PRDM10: variants seen among roughly 807,000 people sequenced by gnomAD.
PRDM10 encodes the protein PR/SET domain 10, also known as PR domain zinc finger protein 10.
A neutral mutation model predicts 133.1 loss-of-function variants in PRDM10; 65 were observed. The ratio of observed to expected loss-of-function variants is 0.49; its 90% CI spans 0.40 to 0.60. PRDM10 has a LOEUF of 0.60. PRDM10 is among the 20% of genes least tolerant of loss of function. The pLI, the probability that PRDM10 is intolerant of heterozygous loss-of-function variation, is 0.00. For missense variants in PRDM10, 1,137 were observed against 1,507.1 expected (o/e 0.75, Z 4.07); for synonymous variants, 582 against 580.4 (o/e 1.00, Z -0.04).
chr11:129,923,240 T>C lies in PRDM10; in HGVS notation c.2034+8A>G, dbSNP rs1177004550. On this transcript the variant is annotated splice_region_variant and intron_variant, in intron 13 of 20. Coordinates refer to ENST00000360871, the MANE Select transcript of PRDM10 (RefSeq NM_199437.2). The surrounding 1 kb of genome is among the most constrained non-coding windows in gnomAD (Gnocchi z 4.4). ...AGAACCACCTTGGGCTGTGCCTTGGTGTCATACCTTAAATTGCTTCCCACA... is the reference window on the plus strand; with the variant it reads ...AGAACCACCTTGGGCTGTGCCTTGGCGTCATACCTTAAATTGCTTCCCACA... 1.3e-6 allele frequency: 2 copies of C among 1,570,548 alleles called. No homozygotes were observed. Among genetic ancestry groups the C allele is most frequent in the African/African-American group, 1.3e-5 (1 of 74,188 alleles).
chr11:129,961,334 T>G (rs1039287568), intron 1 of PRDM10, among the ~76,000 whole-genome samples: 47 of 152,092 alleles, frequency 3.1e-4, no homozygotes, highest in Middle Eastern at 3.4e-3. Context: ...AGATGGAGTC[T>G]CGCTCTGTTG....
intron 1 of PRDM10, among the ~76,000 whole-genome samples, chr11:129,970,397 T>C (rs936195411): frequency 2.6e-5 from 4 of 152,188 alleles, no homozygotes; most frequent in African/African-American, 9.7e-5. Context: ...GGAGCTACAA[T>C]GTAACCTGGG....
At chr11:129,922,882 C>T (rs988380985) in intron 13 of PRDM10, among the ~76,000 whole-genome samples, 15 of 152,152 alleles carry the variant, frequency 9.9e-5, no homozygotes, top group Non-Finnish European at 1.3e-4. Context: ...GGCTCAATTA[C>T]GGGCTCTTAT....
intron 9 of PRDM10, among the ~76,000 whole-genome samples, chr11:129,934,514 A>T (rs1049615819): frequency 1.1e-4 from 16 of 152,154 alleles, no homozygotes; most frequent in African/African-American, 3.4e-4. Flanking sequence ...GCTAGTGATT[A>T]TTTTTTTCCA....
intron 14 of PRDM10, among the ~76,000 whole-genome samples, chr11:129,917,478 G>A (rs2135754956): frequency 6.6e-6 from 1 of 152,332 alleles, no homozygotes; most frequent in South Asian, 2.1e-4. Context: ...TCACTGTGGT[G>A]AATTCAGCCA....
chr11:129,989,432 G>C (rs1242428902), intron 1 of PRDM10, among the ~76,000 whole-genome samples: 1 of 152,190 alleles, frequency 6.6e-6, no homozygotes, highest in East Asian at 1.9e-4. Context: ...GACAGCTGGT[G>C]GGGGATACAG....
intron 4 of PRDM10, among the ~76,000 whole-genome samples, chr11:129,949,703 C>T (rs1053681615): frequency 1.4e-4 from 21 of 150,086 alleles, no homozygotes; most frequent in Middle Eastern, 3.6e-3. Flanking sequence ...GGCCAAGGTG[C>T]GCAGATCACC....
chr11:129,989,859 TAC>T (rs1231350095), intron 1 of PRDM10, among the ~76,000 whole-genome samples: 7 of 152,140 alleles, frequency 4.6e-5, no homozygotes, highest in Non-Finnish European at 7.3e-5. Context: ...TCCTGAAACA[TAC>T]AGTCTTTAGT....
chr11:129,903,246 T>G (rs558109216), intron 20 of PRDM10, among the ~76,000 whole-genome samples: 1 of 150,938 alleles, frequency 6.6e-6, no homozygotes, highest in Non-Finnish European at 1.5e-5. Context: ...TGCAGTGAGT[T>G]GAGATCGTGC....
At chr11:129,971,098 G>C (rs1419113106) in intron 1 of PRDM10, among the ~76,000 whole-genome samples, 1 of 152,068 alleles carries the variant, frequency 6.6e-6, no homozygotes, top group African/African-American at 2.4e-5. Context: ...CTTCCTTCTG[G>C]TGGGTTCATG....
intron 1 of PRDM10, among the ~76,000 whole-genome samples, chr11:129,990,017 A>G (rs1938642092): frequency 6.6e-6 from 1 of 151,882 alleles, no homozygotes; most frequent in Non-Finnish European, 1.5e-5. Flanking sequence ...AGCCTCAGCA[A>G]TATGGCGAAA....
intron 1 of PRDM10, among the ~76,000 whole-genome samples, chr11:129,994,270 G>GTCTTGAGA (rs1565517422): frequency 3.3e-5 from 5 of 151,252 alleles, no homozygotes; most frequent in African/African-American, 1.2e-4. Context: ...GACCAGCCTG[G>GTCTTGAGA]CCAACATGGC....
chr11:129,982,429 A>AT (rs1172226544), intron 1 of PRDM10, among the ~76,000 whole-genome samples: 1 of 151,816 alleles, frequency 6.6e-6, no homozygotes, highest in Non-Finnish European at 1.5e-5. Context: ...CGCCTAGCTA[A>AT]TTTTTTGTAT....
At chr11:129,958,587 T>A (rs974013060) in intron 2 of PRDM10, among the ~76,000 whole-genome samples, 1 of 152,172 alleles carries the variant, frequency 6.6e-6, no homozygotes, top group Non-Finnish European at 1.5e-5. Context: ...GAGGTTGCAG[T>A]GAGCCGAGAT....
chr11:129,978,588 CGTCGGGCAG>C (rs1345811993), intron 1 of PRDM10, among the ~76,000 whole-genome samples: 2 of 152,170 alleles, frequency 1.3e-5, no homozygotes, highest in African/African-American at 4.8e-5. Flanking sequence ...CAGTGAAGCC[CGTCGGGCAG>C]GTCTGAGACG....
Position 129,927,199 on chromosome 11 carries a change from A to G in PRDM10, c.1531-1970T>C, listed in dbSNP as rs1244322896. ...CTCAAAAAAAAAAAAAAAAAAAAAA[A>G]AAAAAAAAAAAAAAAAGCATAGTTT... On this transcript the variant is annotated intron_variant, in intron 11 of 20. Transcript: ENST00000360871. 2.1e-5 allele frequency among the ~76,000 whole-genome samples: 3 copies of G among 140,248 alleles called. 1 individual carries two copies. Among genetic ancestry groups the G allele is most frequent in the Admixed American group, 2.1e-4 (3 of 14,364 alleles). The allele number at this position is 140,248 out of a possible 152,430, so 92.0% of individuals were successfully genotyped here.
chr11:129,968,521 AAG>A (rs1951950744), intron 1 of PRDM10, among the ~76,000 whole-genome samples: 1 of 152,108 alleles, frequency 6.6e-6, no homozygotes, highest in South Asian at 2.1e-4. Context: ...GGTTCCACAG[AAG>A]AGAGGGGGTG....
At chr11:129,917,024 G>T (rs1474402218) in intron 15 of PRDM10, 103 bp downstream of exon 15, 11 of 737,384 alleles carry the variant, frequency 1.5e-5, no homozygotes, top group Non-Finnish European at 2.1e-5. Flanking sequence ...TAACCATCTG[G>T]TAAGAGTAAC....
intron 13 of PRDM10, among the ~76,000 whole-genome samples, chr11:129,922,055 C>T (rs1041967058): frequency 1.3e-5 from 2 of 152,194 alleles, no homozygotes; most frequent in Non-Finnish European, 2.9e-5. Context: ...CTCCCAGCTT[C>T]TCCCTTCAAC....
Sources: gnomAD v4.1 joint callset for allele counts (sites outside exome capture counted in the v4.1 genomes callset) on GRCh38, gnomAD v4.1.1 for gene constraint, Gnocchi (gnomAD v3.1) non-coding constraint, MANE v1.5 for transcripts, NCBI Gene and HGNC (gene_info 2026-07-23, HGNC 2026-07-21) for gene names.